FAM149B1: variants seen among roughly 807,000 people sequenced by gnomAD.
The protein encoded by FAM149B1 is family with sequence similarity 149 member B1, also known as primary cilium assembly protein FAM149B1.
FAM149B1 carries 56 observed loss-of-function variants against 75.3 expected under a neutral mutation model. The observed-to-expected ratio is 0.74, with a 90% confidence interval of 0.60 to 0.93. FAM149B1 has a LOEUF of 0.93. FAM149B1 is among the 40% of genes least tolerant of loss of function. FAM149B1 has a pLI of 0.00. For synonymous variants in FAM149B1, 259 were observed against 256.1 expected, an observed-to-expected ratio of 1.01 and a Z score of -0.11; for missense variants, 639 against 708.4, an observed-to-expected ratio of 0.90 and a Z score of 1.11.
chr10:73,218,400 C>T (rs2043341439), intron 7 of FAM149B1, among the ~76,000 whole-genome samples: 1 of 152,164 alleles, frequency 6.6e-6, no homozygotes. Context: ...AACCTTCTTC[C>T]ATTTTGTAGT....
intron 5 of FAM149B1, among the ~76,000 whole-genome samples, chr10:73,194,947 G>A (rs1244284430): frequency 6.6e-6 from 1 of 152,098 alleles, no homozygotes; most frequent in Non-Finnish European, 1.5e-5. Context: ...GCCTTCCAAA[G>A]TGCTGGGATT....
rs572176414 is a variant in FAM149B1, at chr10:73,242,408, A to C, written c.*1389A>C. 6.7e-6 allele frequency: 1 copy of C among 148,974 alleles called. No individual in the cohort carries two copies. Among genetic ancestry groups the C allele is most frequent in the Non-Finnish European group, 1.5e-5 (1 of 67,688 alleles). The allele number at this position is 148,974 out of a possible 1,614,324, so 9.2% of individuals were successfully genotyped here. On this transcript the variant is annotated 3_prime_UTR_variant, in exon 14 of 14. Transcript: ENST00000242505. ...ACTGGATCAATATGGCTTGCCTTTC[A>C]AAGTTAAAGAATCAGAAAGGGGCCT...
In FAM149B1 at chr10:73,244,022, T is replaced by C. The variant is rs1451379469; in HGVS notation, c.*3003T>C. 2 of 1,026,466 alleles carry C rather than the reference T, an allele frequency of 1.9e-6. No individual in the cohort carries two copies. Among genetic ancestry groups the C allele is most frequent in the Non-Finnish European group, 2.9e-6 (2 of 680,980 alleles). 63.6% of individuals were successfully genotyped at this position (1,026,466 alleles called of 1,614,324 possible). Reference sequence around the variant, plus strand: ...AAGCAAATCTATAATTCTGTTTCAATTTTATGAATATATGAATAGACAAAA... The same window carrying C: ...AAGCAAATCTATAATTCTGTTTCAACTTTATGAATATATGAATAGACAAAA... On this transcript the variant is annotated 3_prime_UTR_variant, in exon 14 of 14. Transcript: ENST00000242505.
chr10:73,208,361 A>G (rs1275139171), intron 5 of FAM149B1, among the ~76,000 whole-genome samples: 1 of 152,242 alleles, frequency 6.6e-6, no homozygotes, highest in African/African-American at 2.4e-5. Context: ...AGGATGACCT[A>G]ATACATAGCT....
chr10:73,193,598 G>C lies in FAM149B1; in HGVS notation c.542+5G>C. ...TCAAGAAAGAGATTCTACTATGTGA[G>C]TATTCCATTATGTAAGTACTTCAAT... On this transcript the variant is annotated splice_donor_5th_base_variant and intron_variant, in intron 5 of 13. Coordinates refer to ENST00000242505, the MANE Select transcript of FAM149B1 (RefSeq NM_173348.2). The C allele has an allele frequency of 1.9e-6, 3 of 1,549,954 alleles. No individual in the cohort carries two copies. Among genetic ancestry groups the C allele is most frequent in the Middle Eastern group, 3.3e-4 (2 of 5,988 alleles).
At chr10:73,195,167 T>A (rs1452129900) in intron 5 of FAM149B1, among the ~76,000 whole-genome samples, 1 of 152,248 alleles carries the variant, frequency 6.6e-6, no homozygotes, top group East Asian at 1.9e-4. Context: ...GCTCCAGTTT[T>A]ACTTATTTGA....
chr10:73,243,525 TGA>T lies in FAM149B1; in HGVS notation c.*2509_*2510del, dbSNP rs776925725. The T allele has an allele frequency of 5.0e-6, 8 of 1,614,026 alleles. No homozygotes were observed. In the East Asian group the frequency reaches 1.8e-4, roughly 36 times the overall value. On this transcript the variant is annotated 3_prime_UTR_variant, in exon 14 of 14. Coordinates refer to ENST00000242505, the MANE Select transcript of FAM149B1 (RefSeq NM_173348.2). ...TGCCGATCCTTTTGTCTGCTCTGTT[TGA>T]GAAGTTAAAACACAAGCTTTCACAA...
At chr10:73,201,479 T>G (rs2042937700) in intron 5 of FAM149B1, among the ~76,000 whole-genome samples, 1 of 152,236 alleles carries the variant, frequency 6.6e-6, no homozygotes, top group Non-Finnish European at 1.5e-5. Flanking sequence ...TTTTCTTTCT[T>G]AGAAATTTAT....
At chr10:73,184,026 A>G (rs1303541466) in intron 3 of FAM149B1, among the ~76,000 whole-genome samples, 1 of 152,206 alleles carries the variant, frequency 6.6e-6, no homozygotes, top group Non-Finnish European at 1.5e-5. Context: ...TATCTGGGAA[A>G]TAAGACGGTC....
Position 73,235,249 on chromosome 10 carries a change from T to A in FAM149B1, c.1533T>A (p.Tyr511Ter), listed in dbSNP as rs993602320. 1.9e-6 allele frequency: 3 copies of A among 1,551,688 alleles called. No homozygotes were observed. The African/African-American group carries it at 4.1e-5, about 21-fold the overall frequency. Residue 511 changes from tyrosine (Y) to a stop codon, truncating the protein, a stop_gained, in exon 12 of 14, where the codon TAT (tyrosine) becomes TAA (stop). Transcript: ENST00000242505. LOFTEE classifies it high-confidence loss of function. ...AQSAVVDEPN[Y>*]QQPQERLLLP... Reference sequence around the variant, plus strand: ...GTGCGGTGGTGGATGAACCTAACTATCAGCAGCCACAAGAAAGGCTCCTTT... The same window carrying A: ...GTGCGGTGGTGGATGAACCTAACTAACAGCAGCCACAAGAAAGGCTCCTTT...
In FAM149B1 at chr10:73,233,106, G is replaced by T. The variant is rs1797404627; in HGVS notation, c.1295G>T (p.Ser432Ile). ...CGAACTCTTCATCCGATCAGCACGA[G>T]CCATTCATGTGCTGAAACACCAAGA... The part of the protein sequence containing the change: ...PPRTLHPIST[S>I]HSCAETPRSV... Residue 432 changes from serine to isoleucine, a missense_variant, in exon 10 of 14, where the codon AGC (serine) becomes ATC (isoleucine). By Grantham distance (142) the Ser-to-Ile change is moderately radical. Coordinates refer to ENST00000242505, the MANE Select transcript of FAM149B1 (RefSeq NM_173348.2). 6.4e-7 allele frequency: 1 copy of T among 1,551,640 alleles called. No homozygotes were observed. Among genetic ancestry groups the T allele is most frequent in the Admixed American group, 2.0e-5 (1 of 50,980 alleles).
intron 12 of FAM149B1, among the ~76,000 whole-genome samples, chr10:73,235,872 C>T (rs915585174): frequency 6.6e-5 from 10 of 152,166 alleles, no homozygotes; most frequent in Non-Finnish European, 1.3e-4. Context: ...AATGCTGACA[C>T]TGCCTACCAT....
At position 73,193,511 on chromosome 10, in the gene FAM149B1, G is replaced by A; in HGVS notation, c.460G>A (p.Gly154Ser). 6.5e-7 allele frequency: 1 copy of A among 1,550,120 alleles called. No homozygotes were observed. The highest frequency in any genetic ancestry group is 1.2e-5 in the South Asian group (1 of 83,964). ...TAGGCAGATAATCACTCCAAGTGAAGGTTATAGATTGTATCCTAGATCCCC... is the reference window on the plus strand; with the variant it reads ...TAGGCAGATAATCACTCCAAGTGAAAGTTATAGATTGTATCCTAGATCCCC... ...LGRQIITPSEGYRLYPRSPSA... is the reference protein window; with the variant it reads ...LGRQIITPSESYRLYPRSPSA... Residue 154 changes from glycine (G) to serine (S), a missense_variant, in exon 5 of 14, where the codon GGT (glycine) becomes AGT (serine). Gly to Ser is a moderately conservative substitution (Grantham distance 56, BLOSUM62 0). Coordinates refer to ENST00000242505, the MANE Select transcript of FAM149B1 (RefSeq NM_173348.2).
chr10:73,181,351 G>C (rs987274736), intron 3 of FAM149B1, among the ~76,000 whole-genome samples: 1 of 152,124 alleles, frequency 6.6e-6, no homozygotes, highest in Non-Finnish European at 1.5e-5. Context: ...GATTGTTCAT[G>C]TGAAGTTTTT....
At chr10:73,197,023 A>C (rs1002082712) in intron 5 of FAM149B1, among the ~76,000 whole-genome samples, 5 of 152,026 alleles carry the variant, frequency 3.3e-5, no homozygotes, top group African/African-American at 1.2e-4. Flanking sequence ...TTGTTTTTTG[A>C]GACAGGGTCT....
chr10:73,194,203 T>C (rs1362230848), intron 5 of FAM149B1, among the ~76,000 whole-genome samples: 3 of 152,074 alleles, frequency 2.0e-5, no homozygotes, highest in Non-Finnish European at 4.4e-5. Context: ...ATTCAAACCA[T>C]ATAATAGTGC....
At chr10:73,230,249 C>A (rs570895031) in intron 8 of FAM149B1, 173 bp from the exon 9 acceptor site, 1 of 539,424 alleles carries the variant, frequency 1.9e-6, no homozygotes, top group African/African-American at 1.9e-5. Flanking sequence ...GACCCTATCA[C>A]ATGGACAGTT....
chr10:73,216,405 T>C (rs771046611), intron 7 of FAM149B1, among the ~76,000 whole-genome samples: 61 of 152,354 alleles, frequency 4.0e-4, no homozygotes, highest in Middle Eastern at 3.4e-3. Flanking sequence ...CAGGTTAACA[T>C]TGATATGTGA....
At chr10:73,207,674 C>T (rs913593859) in intron 5 of FAM149B1, among the ~76,000 whole-genome samples, 2 of 152,208 alleles carry the variant, frequency 1.3e-5, no homozygotes, top group Non-Finnish European at 2.9e-5. Context: ...GGTAGAGCTG[C>T]CCAGGGTCTT....
Sources: allele counts gnomAD v4.1 joint callset (sites outside exome capture counted in the v4.1 genomes callset), GRCh38; gene constraint gnomAD v4.1.1; transcripts MANE v1.5; gene names NCBI Gene and HGNC (gene_info 2026-07-23, HGNC 2026-07-21).